The following SYT1 variants were observed in gnomAD, a reference collection of about 807,000 sequenced individuals.
The protein encoded by SYT1 is synaptotagmin 1.
SYT1 carries 8 observed loss-of-function variants against 44.8 expected under a neutral mutation model. The ratio of observed to expected loss-of-function variants is 0.18; its 90% confidence interval spans 0.10 to 0.32. The LOEUF is 0.32. Among genes scored for constraint, SYT1 ranks in the 10% least tolerant of loss-of-function variants. SYT1 has a pLI of 1.00. For missense variants in SYT1, 286 were observed against 509.3 expected (o/e 0.56, Z 4.22); for synonymous variants, 154 against 188.8 (o/e 0.82, Z 1.51).
chr12:79,363,582 A>AG (rs894910297), intron 9 of SYT1, among the ~76,000 whole-genome samples: 2 of 151,502 alleles, frequency 1.3e-5, no homozygotes, highest in African/African-American at 4.9e-5. Flanking sequence ...TAAAAAAAAA[A>AG]AAAATAGCCA....
chr12:79,070,416 T>G (rs946921761), intron 3 of SYT1, among the ~76,000 whole-genome samples: 1 of 152,142 alleles, frequency 6.6e-6, no homozygotes, highest in Non-Finnish European at 1.5e-5. Flanking sequence ...TTTTTTAGTC[T>G]AATTGATTAT....
intron 3 of SYT1, among the ~76,000 whole-genome samples, chr12:79,094,552 C>G (rs1877996290): frequency 6.6e-6 from 1 of 151,720 alleles, no homozygotes; most frequent in Admixed American, 6.6e-5. Flanking sequence ...TATTGTAAAA[C>G]TTTAGACAGA....
Position 78,879,666 on chromosome 12 carries a change from G to C in SYT1, c.-217+14557G>C, listed in dbSNP as rs145006515. Among the ~76,000 whole-genome samples, 17 of 151,798 alleles carry C rather than the reference G, an allele frequency of 1.1e-4. No homozygotes were observed. In the East Asian group the frequency reaches 3.3e-3, roughly 30 times the overall value. On this transcript the variant is annotated intron_variant, in intron 1 of 10. Transcript: ENST00000261205. ...AATTTTTAACTCATAAATATCTTTT[G>C]AATATGTTTACTTTTCTCTGTCTAC...
intron 3 of SYT1, among the ~76,000 whole-genome samples, chr12:79,105,190 G>T (rs1878646545): frequency 6.6e-6 from 1 of 152,104 alleles, no homozygotes; most frequent in Non-Finnish European, 1.5e-5. Context: ...GTTTAGCGTT[G>T]ACCACATTAT....
chr12:78,983,923 A>C (rs1471148551), intron 2 of SYT1, among the ~76,000 whole-genome samples: 3 of 152,016 alleles, frequency 2.0e-5, no homozygotes, highest in Non-Finnish European at 4.4e-5. Flanking sequence ...TGATACATAA[A>C]GATGTGCCAG....
At chr12:79,268,723 T>C (rs1436115596) in intron 4 of SYT1, among the ~76,000 whole-genome samples, 3 of 152,204 alleles carry the variant, frequency 2.0e-5, no homozygotes, top group Admixed American at 6.5e-5. Context: ...GAATGTGACA[T>C]GTATTCTTAA....
intron 3 of SYT1, among the ~76,000 whole-genome samples, chr12:79,119,910 C>T (rs932582539): frequency 6.6e-6 from 1 of 152,106 alleles, no homozygotes; most frequent in African/African-American, 2.4e-5. Flanking sequence ...ATATCATCTC[C>T]CTTCCTCTTT....
At position 79,353,064 on chromosome 12, in the gene SYT1, T is replaced by A. The variant is rs192109554; in HGVS notation, c.811-438T>A. ...TCCCAAAAACCTAGAGTATTAGAGG[T>A]AATCCTATTTGAAATGTAAAAGGAC... On this transcript the variant is annotated intron_variant, in intron 8 of 10. Transcript: ENST00000261205. 3.7e-4 allele frequency among the ~76,000 whole-genome samples: 56 copies of A among 152,296 alleles called. 1 individual carries two copies. The East Asian group carries it at 0.011, about 29-fold the overall frequency.
At chr12:79,348,018 T>TAGA (rs1410396065) in intron 8 of SYT1, among the ~76,000 whole-genome samples, 1 of 152,144 alleles carries the variant, frequency 6.6e-6, no homozygotes, top group East Asian at 1.9e-4. Context: ...GATCCTCAGA[T>TAGA]AGAAGTGTGT....
At chr12:79,216,215 G>A (rs1441076653) in intron 3 of SYT1, among the ~76,000 whole-genome samples, 1 of 152,010 alleles carries the variant, frequency 6.6e-6, no homozygotes, top group Non-Finnish European at 1.5e-5. Context: ...ACAGGAGTGG[G>A]CCACCACGCC....
chr12:78,898,668 C>T (rs538617414), intron 1 of SYT1, among the ~76,000 whole-genome samples: 23 of 152,194 alleles, frequency 1.5e-4, no homozygotes, highest in Non-Finnish European at 2.8e-4. Context: ...AGACAGCCAG[C>T]AGGTTCTGCC....
chr12:79,420,832 T>C (rs977927009), intron 9 of SYT1, among the ~76,000 whole-genome samples: 1 of 152,050 alleles, frequency 6.6e-6, no homozygotes, highest in Non-Finnish European at 1.5e-5. Flanking sequence ...TCTTCTAGAA[T>C]AAAAGATATT....
At chr12:78,989,486 T>G (rs961230793) in intron 2 of SYT1, among the ~76,000 whole-genome samples, 5 of 152,066 alleles carry the variant, frequency 3.3e-5, no homozygotes, top group African/African-American at 1.2e-4. Context: ...AGCCCCCCCG[T>G]TCCCAGACTT....
At chr12:78,957,341 CT>C (rs1303982112) in intron 1 of SYT1, among the ~76,000 whole-genome samples, 1 of 152,214 alleles carries the variant, frequency 6.6e-6, no homozygotes, top group Non-Finnish European at 1.5e-5. Context: ...GAAGTAGTTA[CT>C]TTTTTTCCCT....
At chr12:79,257,789 C>T (rs1431849544) in intron 4 of SYT1, among the ~76,000 whole-genome samples, 1 of 152,078 alleles carries the variant, frequency 6.6e-6, no homozygotes, top group East Asian at 1.9e-4. Flanking sequence ...GCGAATAAAC[C>T]GAGAAAGAAA....
At chr12:79,320,584 A>AT (rs1477246817) in intron 8 of SYT1, among the ~76,000 whole-genome samples, 5 of 149,542 alleles carry the variant, frequency 3.3e-5, no homozygotes, top group African/African-American at 1.2e-4. Context: ...AGCTGGTGCT[A>AT]TGGCTCTGAT....
At chr12:79,365,729 A>C (rs547508212) in intron 9 of SYT1, among the ~76,000 whole-genome samples, 1 of 151,924 alleles carries the variant, frequency 6.6e-6, no homozygotes, top group Non-Finnish European at 1.5e-5. Flanking sequence ...GTCATTATGC[A>C]TCTAAATAAG....
At chr12:79,389,552 G>A (rs1200295441) in intron 9 of SYT1, among the ~76,000 whole-genome samples, 1 of 152,146 alleles carries the variant, frequency 6.6e-6, no homozygotes, top group Admixed American at 6.5e-5. Flanking sequence ...TTACAGAGGA[G>A]GAAACTAAAA....
At chr12:79,144,024 G>C (rs912770770) in intron 3 of SYT1, among the ~76,000 whole-genome samples, 1 of 152,134 alleles carries the variant, frequency 6.6e-6, no homozygotes, top group Non-Finnish European at 1.5e-5. Context: ...TTAGGTACTG[G>C]GGAAGATAAA....
Sources: gnomAD v4.1 joint callset for allele counts (sites outside exome capture counted in the v4.1 genomes callset) on GRCh38, gnomAD v4.1.1 for gene constraint, MANE v1.5 for transcripts, NCBI Gene and HGNC (gene_info 2026-07-23, HGNC 2026-07-21) for gene names.